NCAPD3: variants seen among roughly 807,000 people sequenced by gnomAD.
The protein encoded by NCAPD3 is non-SMC condensin II complex subunit D3.
NCAPD3 carries 105 observed loss-of-function variants against 182.9 expected under a neutral mutation model. The ratio of observed to expected loss-of-function variants is 0.57; its 90% CI spans 0.49 to 0.68. The LOEUF is 0.68. Among genes scored for constraint, NCAPD3 ranks in the 30% least tolerant of loss-of-function variants. The pLI, the probability that NCAPD3 is intolerant of heterozygous loss-of-function variation, is 0.00. For missense variants in NCAPD3, 1,944 were observed against 1,837.0 expected (o/e 1.06, Z -1.07); for synonymous variants, 815 against 679.9 (o/e 1.20, Z -3.09).
intron 13 of NCAPD3, among the ~76,000 whole-genome samples, chr11:134,198,125 C>T (rs1044523731): frequency 3.3e-5 from 5 of 152,168 alleles, no homozygotes; most frequent in South Asian, 2.1e-4. Context: ...CAGACCATGA[C>T]GGGATGTGGG....
intron 27 of NCAPD3, among the ~76,000 whole-genome samples, chr11:134,162,751 G>A (rs1042492122): frequency 3.9e-5 from 6 of 152,232 alleles, no homozygotes; most frequent in Non-Finnish European, 7.3e-5. Flanking sequence ...CACTTGACAA[G>A]TATTATCAAG....
At chr11:134,201,359 T>C (rs1482405804) in intron 13 of NCAPD3, among the ~76,000 whole-genome samples, 3 of 152,146 alleles carry the variant, frequency 2.0e-5, no homozygotes, top group Non-Finnish European at 4.4e-5. Flanking sequence ...AGAAAATTAC[T>C]GGTTGCCAGT....
intron 26 of NCAPD3, 30 bp downstream of exon 26, chr11:134,168,439 C>A: frequency 6.2e-7 from 1 of 1,612,394 alleles, no homozygotes. Context: ...TGCAAACACA[C>A]ACATTTTCTC....
At chr11:134,222,455 C>T (rs113949935) in intron 1 of NCAPD3, among the ~76,000 whole-genome samples, 193 of 152,238 alleles carry the variant, frequency 1.3e-3, no homozygotes, top group African/African-American at 3.9e-3. Context: ...TGAGTCAGAA[C>T]GAGGCAAATA....
chr11:134,220,769 G>A (rs1184798349), intron 1 of NCAPD3, 43 bp from the exon 2 acceptor site: 3 of 1,558,784 alleles, frequency 1.9e-6, no homozygotes, highest in Non-Finnish European at 2.6e-6. Flanking sequence ...TCTGTAACAA[G>A]TAAAAAAACT....
At chr11:134,215,943 A>C (rs973703963) in intron 3 of NCAPD3, among the ~76,000 whole-genome samples, 1 of 152,252 alleles carries the variant, frequency 6.6e-6, no homozygotes, top group Non-Finnish European at 1.5e-5. Context: ...ACTGGCAGGA[A>C]TACGGCTTGC....
chr11:134,190,484 G>A (rs1944501270), intron 16 of NCAPD3, among the ~76,000 whole-genome samples: 1 of 151,994 alleles, frequency 6.6e-6, no homozygotes, highest in Admixed American at 6.6e-5. Flanking sequence ...TCCTTCTGAA[G>A]TACATCCTTT....
In NCAPD3 at chr11:134,185,394, A is replaced by C. The variant is rs368856823; in HGVS notation, c.2178T>G (p.Ala726=). Residue 726 remains alanine (A), a synonymous_variant, in exon 17 of 35, where the codon GCT becomes GCG. Coordinates refer to ENST00000534548, the MANE Select transcript of NCAPD3 (RefSeq NM_015261.3). ...APAWMLLSKI[A]GSSPRLDYSR... Reference sequence around the variant, plus strand: ...TGTAGTCCAGCCTGGGTGAGGAGCCAGCAATCTTGGAGAGCAGCATCCAGG... The same window carrying C: ...TGTAGTCCAGCCTGGGTGAGGAGCCCGCAATCTTGGAGAGCAGCATCCAGG... 1 of 1,613,948 alleles carries C rather than the reference A, an allele frequency of 6.2e-7. No homozygotes were observed. The highest frequency in any genetic ancestry group is 1.3e-5 in the African/African-American group (1 of 74,922).
At chr11:134,183,814 TA>T (rs1437226032) in intron 19 of NCAPD3, among the ~76,000 whole-genome samples, 1 of 152,210 alleles carries the variant, frequency 6.6e-6, no homozygotes, top group East Asian at 1.9e-4. Flanking sequence ...GGGCTTTCTC[TA>T]ATGAACTTGG....
In NCAPD3 at chr11:134,210,261, A is replaced by C. The variant is rs781168039; in HGVS notation, c.567+9T>G. The C allele has an allele frequency of 2.5e-6, 4 of 1,607,060 alleles. No homozygotes were observed. In the South Asian group the frequency reaches 3.3e-5, roughly 13 times the overall value. On this transcript the variant is annotated intron_variant, in intron 4 of 34. Transcript: ENST00000534548. ...GGTATATATGTTTTATACTCAACTT[A>C]CTTCTTACCTCAATATCTTCTCTCC...
chr11:134,150,685 A>C lies in NCAPD3; in HGVS notation c.*2259T>G, dbSNP rs1347653976. 2 of 152,094 alleles carry C rather than the reference A, an allele frequency of 1.3e-5. No homozygotes were observed. Among genetic ancestry groups the C allele is most frequent in the Non-Finnish European group, 2.9e-5 (2 of 68,022 alleles). The allele number at this position is 152,094 out of a possible 1,614,324, so 9.4% of individuals were successfully genotyped here. A position where few individuals can be genotyped will look rare whatever the true frequency, so the allele number is the denominator to read the frequency against. On this transcript the variant is annotated 3_prime_UTR_variant, in exon 35 of 35. Coordinates refer to ENST00000534548, the MANE Select transcript of NCAPD3 (RefSeq NM_015261.3). Reference sequence around the variant, plus strand: ...TTTAATTATTTGTTAAGATTGTCTAAGGCCAAAGGCAATTGCGAAATCAAG... The same window carrying C: ...TTTAATTATTTGTTAAGATTGTCTACGGCCAAAGGCAATTGCGAAATCAAG...
chr11:134,169,053 A>G lies in NCAPD3; in HGVS notation c.3103T>C (p.Phe1035Leu). The G allele has an allele frequency of 6.2e-7, 1 of 1,613,296 alleles. No individual in the cohort carries two copies. The highest frequency in any genetic ancestry group is 1.1e-5 in the South Asian group (1 of 90,884). The change falls in exon 25 of 35, where the codon TTC becomes CTC. Residue 1035 changes from phenylalanine to leucine, a missense_variant and splice_region_variant. Phe to Leu is a conservative substitution (Grantham distance 22). Coordinates refer to ENST00000534548, the MANE Select transcript of NCAPD3 (RefSeq NM_015261.3). ...AGGTGAGCCAGGCAAAACTCCCCGA[A>G]GCTGCAAAGGTGAGAGAAACAAAGA... ...LIDSHPDIAS[F>L]GEFCLAHLLL...
chr11:134,197,609 T>G (rs1389327178), intron 13 of NCAPD3, among the ~76,000 whole-genome samples: 1 of 152,172 alleles, frequency 6.6e-6, no homozygotes, highest in Non-Finnish European at 1.5e-5. Context: ...AAGAATGGCT[T>G]AATACAACAG....
Position 134,223,305 on chromosome 11 carries a change from G to A in NCAPD3, c.64+558C>T, listed in dbSNP as rs906471597. The A allele has an allele frequency of 1.2e-5, 8 of 645,278 alleles. No individual in the cohort carries two copies. In the African/African-American group the frequency reaches 1.3e-4, roughly 10 times the overall value. The allele number at this position is 645,278 out of a possible 1,614,324, so 40.0% of individuals were successfully genotyped here. ...TGAAGGCAGCAGCATCAGGAATGGA[G>A]CGGGGCTGCCCTGAGACACCTCAGA... is the stretch of plus-strand genomic sequence containing the variant. On this transcript the variant is annotated intron_variant, in intron 1 of 34. Transcript: ENST00000534548.
chr11:134,158,046 A>C lies in NCAPD3; in HGVS notation c.4056T>G (p.Ile1352Met). 6.2e-7 allele frequency: 1 copy of C among 1,614,104 alleles called. No homozygotes were observed. Among genetic ancestry groups the C allele is most frequent in the Non-Finnish European group, 8.5e-7 (1 of 1,180,010 alleles). The change falls in exon 31 of 35, where the codon ATT becomes ATG. Residue 1352 changes from isoleucine (I) to methionine (M), a missense_variant. Coordinates refer to ENST00000534548, the MANE Select transcript of NCAPD3 (RefSeq NM_015261.3). ...CTTTCTTGACAGAATTCAGGATTGC[A>C]ATGGTGCTCAGGGACATGGGCCTGT... ...PKARPMSLST[I>M]AILNSVKKAV...
intron 1 of NCAPD3, chr11:134,223,624 G>C (rs1938330310): frequency 3.1e-6 from 2 of 655,092 alleles, no homozygotes; most frequent in African/African-American, 3.6e-5. Flanking sequence ...ATGCACAGGC[G>C]CTAGAAGAGA....
Position 134,192,873 on chromosome 11 carries a change from A to G in NCAPD3, c.1861T>C (p.Leu621=), listed in dbSNP as rs774016495. 1.2e-6 allele frequency: 2 copies of G among 1,613,836 alleles called. No individual in the cohort carries two copies. The highest frequency in any genetic ancestry group is 1.3e-5 in the African/African-American group (1 of 75,044). Reference sequence around the variant, plus strand: ...ATCACCACCGGGACCACCCCCCGCAACCAGGCTTTCTGGATCTGCACGCAT... The same window carrying G: ...ATCACCACCGGGACCACCCCCCGCAGCCAGGCTTTCTGGATCTGCACGCAT... ...PRCVQIQKAW[L]RGVVPVVMDC... The change falls in exon 16 of 35, where the codon TTG becomes CTG. Residue 621 remains leucine, a synonymous_variant. Transcript: ENST00000534548.
At chr11:134,184,243 G>T (rs547627899) in intron 19 of NCAPD3, among the ~76,000 whole-genome samples, 4 of 152,232 alleles carry the variant, frequency 2.6e-5, no homozygotes, top group Non-Finnish European at 2.9e-5. Context: ...TGACTTATCA[G>T]AAGGTCAGAA....
chr11:134,193,026 G>A (rs1944556801), intron 15 of NCAPD3, 117 bp from the exon 16 acceptor site: 2 of 591,350 alleles, frequency 3.4e-6, no homozygotes, highest in Non-Finnish European at 5.8e-6. Context: ...ACCATAGAGT[G>A]AAAAAAGAAA....
Sources: allele counts gnomAD v4.1 joint callset (sites outside exome capture counted in the v4.1 genomes callset), GRCh38; gene constraint gnomAD v4.1.1; transcripts MANE v1.5; gene names NCBI Gene and HGNC (gene_info 2026-07-23, HGNC 2026-07-21).